The following USP31 variants were observed in gnomAD, a reference collection of about 807,000 sequenced individuals.
USP31 encodes ubiquitin specific peptidase 31.
In USP31, 44 loss-of-function variants were observed where a neutral mutation model predicts 119.4. The observed-to-expected ratio is 0.37, with a 90% confidence interval of 0.29 to 0.47. USP31 has a LOEUF of 0.47. Ranked by LOEUF, USP31 falls within the 20% of genes least tolerant of loss-of-function variation. The pLI, the probability that USP31 is intolerant of heterozygous loss-of-function variation, is 0.99. For synonymous variants in USP31, 749 were observed against 705.6 expected (o/e 1.06, Z -0.97); for missense variants, 1,643 against 1,730.2 (o/e 0.95, Z 0.89).
At chr16:23,107,077 A>AC (rs1902139322) in intron 2 of USP31, among the ~76,000 whole-genome samples, 2 of 151,830 alleles carry the variant, frequency 1.3e-5, no homozygotes, top group South Asian at 4.2e-4. Flanking sequence ...GTGCCACTGC[A>AC]CTTCAGCCTG....
At chr16:23,073,597 G>C in intron 14 of USP31, 125 bp downstream of exon 14, 1 of 1,212,058 alleles carries the variant, frequency 8.3e-7, no homozygotes, top group Non-Finnish European at 1.1e-6. Context: ...CAGATTAAAT[G>C]GAAACGTAAG....
intron 9 of USP31, among the ~76,000 whole-genome samples, chr16:23,086,180 T>C (rs996385875): frequency 6.6e-6 from 1 of 152,162 alleles, no homozygotes; most frequent in Admixed American, 6.6e-5. Flanking sequence ...TCAGTTAATA[T>C]TACCTATCTC....
At chr16:23,111,525 A>G (rs1480262853) in intron 1 of USP31, among the ~76,000 whole-genome samples, 1 of 152,230 alleles carries the variant, frequency 6.6e-6, no homozygotes, top group Non-Finnish European at 1.5e-5. Context: ...TCTGAATGGA[A>G]GTTATCTGGT....
At position 23,148,871 on chromosome 16, in the gene USP31, C is replaced by G; in HGVS notation, c.400G>C (p.Gly134Arg). 6.7e-7 allele frequency: 1 copy of G among 1,487,228 alleles called. No individual in the cohort carries two copies. Among genetic ancestry groups the G allele is most frequent in the Non-Finnish European group, 9.0e-7 (1 of 1,113,644 alleles). 92.1% of individuals were successfully genotyped at this position (1,487,228 alleles called of 1,614,324 possible). ...VPGVAGLRNH[G>R]NTCFMNATLQ... The stretch of plus-strand genomic sequence containing the variant: ...GTGGCGTTCATGAAGCACGTGTTGC[C>G]GTGGTTGCGGAGCCCCGCCACGCCG... Residue 134 changes from glycine (G) to arginine (R), a missense_variant, in exon 1 of 16, where the codon GGC becomes CGC. Transcript: ENST00000219689.
rs1462281564 is a variant in USP31 at position 23,063,704 on chromosome 16, A to G, written c.*4342T>C. ...AGTAAGCCATATTTTGAAAATCACA[A>G]ATTTAAAAATAGAGCTCCATAATTG... On this transcript the variant is annotated 3_prime_UTR_variant, in exon 16 of 16. Coordinates refer to ENST00000219689, the MANE Select transcript of USP31 (RefSeq NM_020718.4). The G allele has an allele frequency of 6.6e-6, 1 of 151,998 alleles. No homozygotes were observed. Among genetic ancestry groups the G allele is most frequent in the African/African-American group, 2.4e-5 (1 of 41,382 alleles). The allele number at this position is 151,998 out of a possible 1,614,324, so 9.4% of individuals were successfully genotyped here.
rs562037108 is a variant in USP31, at chr16:23,098,397, C to G, written c.1234+3922G>C. ...CAATATCGTGAAAATGGCCATACTG[C>G]CCAGGGTAATTTACAGTTTCAATGC... On this transcript the variant is annotated intron_variant, in intron 6 of 15. Coordinates refer to ENST00000219689, the MANE Select transcript of USP31 (RefSeq NM_020718.4). 7.2e-5 allele frequency among the ~76,000 whole-genome samples: 11 copies of G among 152,274 alleles called. No individual in the cohort carries two copies. The East Asian group carries it at 1.9e-3, about 27-fold the overall frequency.
At position 23,090,706 on chromosome 16, in the gene USP31, C is replaced by A. The variant is rs1978066; in HGVS notation, c.1333G>T (p.Asp445Tyr). ...TQTAAKQGKM[D>Y]SPTSRAGSDK... Reference sequence around the variant, plus strand: ...CTGCCTGCTCTTGATGTGGGAGAATCCATTTTCCCCTGCTTTGCTGCTGTT... The same window carrying A: ...CTGCCTGCTCTTGATGTGGGAGAATACATTTTCCCCTGCTTTGCTGCTGTT... The change falls in exon 7 of 16, where the codon GAT becomes TAT. Residue 445 changes from aspartate (D) to tyrosine (Y), a missense_variant. Around this residue, in one of 5 missense-constraint regions of USP31, gnomAD observed 219 missense variants for 226.4 expected, o/e 0.97. Coordinates refer to ENST00000219689, the MANE Select transcript of USP31 (RefSeq NM_020718.4). The A allele has an allele frequency of 3.1e-3, 5,046 of 1,614,038 alleles. 206 individuals carry two copies. In the East Asian group the frequency reaches 0.09, roughly 29 times the overall value.
Position 23,106,407 on chromosome 16 carries a change from C to T in USP31, c.852G>A (p.Ala284=), listed in dbSNP as rs534709023. The change falls in exon 3 of 16, where the codon GCG becomes GCA. Residue 284 remains alanine (A), a synonymous_variant. Coordinates refer to ENST00000219689, the MANE Select transcript of USP31 (RefSeq NM_020718.4). ...CSTFVQELFQ[A]QYRSSLTCPH... is the part of the protein sequence containing the mutation. ...ATCCGATTTTCTCATACCTGTATTG[C>T]GCTTGAAAGAGTTCTTGTACAAAAG... 34 of 1,613,328 alleles carry T rather than the reference C, an allele frequency of 2.1e-5. No individual in the cohort carries two copies. The highest frequency in any genetic ancestry group is 2.9e-5 in the Non-Finnish European group (34 of 1,179,812).
rs1184014833 is a variant in USP31 at position 23,066,257 on chromosome 16, C to CTAA, written c.*1786_*1788dup. The CTAA allele has an allele frequency of 6.6e-6, 1 of 152,630 alleles. No individual in the cohort carries two copies. Among genetic ancestry groups the CTAA allele is most frequent in the Non-Finnish European group, 1.5e-5 (1 of 68,048 alleles). 9.5% of individuals were successfully genotyped at this position (152,630 alleles called of 1,614,324 possible). On this transcript the variant is annotated 3_prime_UTR_variant, in exon 16 of 16. Transcript: ENST00000219689. ...TGGTAACTTTCACAAGGCTAAATGT[C>CTAA]TAAATCTTAAATACTGCCAAGGGTC...
chr16:23,097,085 T>C (rs955654441), intron 6 of USP31, among the ~76,000 whole-genome samples: 1 of 151,836 alleles, frequency 6.6e-6, no homozygotes, highest in East Asian at 1.9e-4. Context: ...ACAAAATTGA[T>C]AGACCGCTAG....
intron 1 of USP31, among the ~76,000 whole-genome samples, chr16:23,132,403 G>A (rs139185561): frequency 1.8e-4 from 27 of 151,886 alleles, no homozygotes; most frequent in African/African-American, 6.3e-4. Flanking sequence ...AACAGCTGTG[G>A]GGACTACACA....
intron 6 of USP31, among the ~76,000 whole-genome samples, chr16:23,094,224 C>T (rs1249813960): frequency 6.6e-6 from 1 of 152,228 alleles, no homozygotes; most frequent in South Asian, 2.1e-4. Flanking sequence ...GGTCCCATGC[C>T]CACGGAGTCT....
At chr16:23,072,285 C>T (rs1330180326) in intron 14 of USP31, 88 bp from the exon 15 acceptor site, 1 of 1,532,102 alleles carries the variant, frequency 6.5e-7, no homozygotes, top group Non-Finnish European at 8.8e-7. Flanking sequence ...GTGTTACGAG[C>T]TGAGCTGGGG....
chr16:23,143,676 A>C lies in USP31; in HGVS notation c.633+4962T>G, dbSNP rs1038228972. ...GGGAAGTAAAAGGAAACTTGCGCTG[A>C]GTCTCCAAACTTTCCTCCAAACAGT... is the stretch of plus-strand genomic sequence containing the variant. On this transcript the variant is annotated intron_variant, in intron 1 of 15. Transcript: ENST00000219689. Among the ~76,000 whole-genome samples, 3 of 152,236 alleles carry C rather than the reference A, an allele frequency of 2.0e-5. No individual in the cohort carries two copies. The East Asian group carries it at 5.8e-4, about 29-fold the overall frequency.
At chr16:23,136,166 G>T (rs1426306902) in intron 1 of USP31, among the ~76,000 whole-genome samples, 2 of 152,124 alleles carry the variant, frequency 1.3e-5, no homozygotes, top group Non-Finnish European at 1.5e-5. Flanking sequence ...AAAGAATAAA[G>T]TTGGACCCTT....
Position 23,125,398 on chromosome 16 carries a change from G to A in USP31, c.634-17215C>T, listed in dbSNP as rs547169126. Among the ~76,000 whole-genome samples the A allele has an allele frequency of 3.3e-5, 5 of 152,214 alleles. No homozygotes were observed. In the South Asian group the frequency reaches 6.2e-4, roughly 19 times the overall value. ...TACCCTCTGAAGCTTGACAGAATCCGGGAAGGGGTGGGGGCAGCTACAACA... is the reference window on the plus strand; with the variant it reads ...TACCCTCTGAAGCTTGACAGAATCCAGGAAGGGGTGGGGGCAGCTACAACA... On this transcript the variant is annotated intron_variant, in intron 1 of 15. Transcript: ENST00000219689.
At chr16:23,122,068 T>C (rs1902688081) in intron 1 of USP31, among the ~76,000 whole-genome samples, 1 of 152,194 alleles carries the variant, frequency 6.6e-6, no homozygotes, top group Non-Finnish European at 1.5e-5. Context: ...TGATATCAAT[T>C]ATGTTATGCA....
At chr16:23,094,719 G>T (rs557992419) in intron 6 of USP31, among the ~76,000 whole-genome samples, 12 of 152,290 alleles carry the variant, frequency 7.9e-5, no homozygotes, top group Middle Eastern at 3.4e-3. Flanking sequence ...AACAGGGTCT[G>T]GAGTGGACCT....
intron 1 of USP31, among the ~76,000 whole-genome samples, chr16:23,128,310 C>T (rs1044295594): frequency 2.6e-5 from 4 of 152,086 alleles, no homozygotes; most frequent in African/African-American, 9.7e-5. Flanking sequence ...CTTGCATTCT[C>T]GTTTGACATG....
Sources: gnomAD v4.1 joint callset for allele counts (sites outside exome capture counted in the v4.1 genomes callset) on GRCh38, gnomAD v4.1.1 for gene constraint, gnomAD v4.1.1 regional missense constraint, MANE v1.5 for transcripts, NCBI Gene and HGNC (gene_info 2026-07-23, HGNC 2026-07-21) for gene names.